ATRNL1: variants seen among roughly 807,000 people sequenced by gnomAD.
The protein encoded by ATRNL1 is attractin-like protein 1.
In ATRNL1, 95 loss-of-function variants were observed where a neutral mutation model predicts 182.7. The observed-to-expected ratio is 0.52, with a 90% CI of 0.44 to 0.62. The LOEUF is 0.62. Among genes scored for constraint, ATRNL1 ranks in the 20% least tolerant of loss-of-function variants. The pLI, the probability that ATRNL1 is intolerant of heterozygous loss-of-function variation, is 0.00. For synonymous variants in ATRNL1, 576 were observed against 568.3 expected (o/e 1.01, Z -0.19); for missense variants, 1,471 against 1,679.5 (o/e 0.88, Z 2.17).
intron 8 of ATRNL1, among the ~76,000 whole-genome samples, chr10:115,184,017 T>C (rs550462265): frequency 2.0e-5 from 3 of 151,656 alleles, no homozygotes; most frequent in Middle Eastern, 3.4e-3. Context: ...TGCCTGGGTA[T>C]ACATCCCATT....
chr10:115,135,557 C>G (rs1554876423), intron 5 of ATRNL1, among the ~76,000 whole-genome samples: 1 of 152,168 alleles, frequency 6.6e-6, no homozygotes, highest in African/African-American at 2.4e-5. Context: ...AATGGAAGAA[C>G]ATTCCATACT....
chr10:115,463,880 G>A (rs148242577), intron 22 of ATRNL1, among the ~76,000 whole-genome samples: 3 of 151,992 alleles, frequency 2.0e-5, no homozygotes, highest in East Asian at 1.9e-4. Context: ...AAACCTGTGG[G>A]GTTCTTTGAA....
At chr10:115,395,283 TTGCTATTCTGAATACTGC>T (rs1269705446) in intron 20 of ATRNL1, among the ~76,000 whole-genome samples, 4 of 152,006 alleles carry the variant, frequency 2.6e-5, no homozygotes, top group Non-Finnish European at 5.9e-5. Flanking sequence ...TTCCATGTCC[TTGCTATTCTGAATACTGC>T]TGCAGTGAAC....
At chr10:115,261,578 G>A (rs1228931059) in intron 10 of ATRNL1, among the ~76,000 whole-genome samples, 2 of 152,154 alleles carry the variant, frequency 1.3e-5, no homozygotes, top group Non-Finnish European at 2.9e-5. Context: ...ATCTGGCAAA[G>A]GGTTGGGGGA....
At chr10:115,441,713 G>A (rs574830986) in intron 21 of ATRNL1, among the ~76,000 whole-genome samples, 12 of 151,952 alleles carry the variant, frequency 7.9e-5, no homozygotes, top group Admixed American at 2.6e-4. Flanking sequence ...AGAACTCTAA[G>A]TTTTTCCTCA....
chr10:115,437,708 A>G (rs546824890), intron 21 of ATRNL1, among the ~76,000 whole-genome samples: 1 of 152,140 alleles, frequency 6.6e-6, no homozygotes, highest in East Asian at 1.9e-4. Context: ...TTATTAACAA[A>G]CATATGAATA....
At chr10:115,225,326 G>A (rs1027660933) in intron 9 of ATRNL1, among the ~76,000 whole-genome samples, 5 of 151,552 alleles carry the variant, frequency 3.3e-5, no homozygotes, top group Admixed American at 6.6e-5. Flanking sequence ...GTGGTAAAAT[G>A]TACAAGGACA....
intron 6 of ATRNL1, among the ~76,000 whole-genome samples, chr10:115,164,615 G>T (rs2144036572): frequency 6.6e-6 from 1 of 152,194 alleles, no homozygotes; most frequent in East Asian, 1.9e-4. Flanking sequence ...AGAAAATGTG[G>T]TATATATACA....
intron 19 of ATRNL1, among the ~76,000 whole-genome samples, chr10:115,366,900 A>C (rs1857075472): frequency 7.0e-6 from 1 of 143,118 alleles, no homozygotes; most frequent in Non-Finnish European, 1.5e-5. Context: ...TGTTAGTCTG[A>C]TGGGCTTCCC....
At chr10:115,254,156 T>C (rs1851010718) in intron 10 of ATRNL1, among the ~76,000 whole-genome samples, 1 of 152,222 alleles carries the variant, frequency 6.6e-6, no homozygotes, top group Admixed American at 6.5e-5. Context: ...TACCCAGTAA[T>C]GGGATTGCTG....
At position 115,523,140 on chromosome 10, in the gene ATRNL1, C is replaced by T. The variant is rs149165245; in HGVS notation, c.3716+3816C>T. Among the ~76,000 whole-genome samples the T allele has an allele frequency of 2.6e-3, 399 of 152,310 alleles. 1 individual carries two copies. Among genetic ancestry groups the T allele is most frequent in the African/African-American group, 9.0e-3 (373 of 41,560 alleles). On this transcript the variant is annotated intron_variant, in intron 25 of 28. Coordinates refer to ENST00000355044, the MANE Select transcript of ATRNL1 (RefSeq NM_207303.4). ...AGTGGAAGCCGACAAGCCTCTAGTACTCATACTTTCTAGCCTCCTTCAGTG... is the reference window on the plus strand; with the variant it reads ...AGTGGAAGCCGACAAGCCTCTAGTATTCATACTTTCTAGCCTCCTTCAGTG...
chr10:115,150,008 T>C (rs1846147443), intron 5 of ATRNL1, among the ~76,000 whole-genome samples: 1 of 152,008 alleles, frequency 6.6e-6, no homozygotes, highest in Admixed American at 6.6e-5. Flanking sequence ...ATTACTACTT[T>C]GATCTTTTCA....
chr10:115,102,844 A>G (rs781864688), intron 1 of ATRNL1, among the ~76,000 whole-genome samples: 1 of 152,168 alleles, frequency 6.6e-6, no homozygotes, highest in East Asian at 1.9e-4. Flanking sequence ...TTGTCAATTA[A>G]AAAAGTCTTG....
chr10:115,575,339 T>C (rs1555004811), intron 26 of ATRNL1, among the ~76,000 whole-genome samples: 1 of 152,190 alleles, frequency 6.6e-6, no homozygotes, highest in Non-Finnish European at 1.5e-5. Flanking sequence ...TAAAGAATGT[T>C]CATGTTCATT....
rs534419790 is a variant in ATRNL1 at position 115,418,477 on chromosome 10, C to T, written c.3270-7773C>T. Among the ~76,000 whole-genome samples the T allele has an allele frequency of 1.5e-4, 23 of 152,176 alleles. No homozygotes were observed. In the South Asian group the frequency reaches 4.4e-3, roughly 29 times the overall value. On this transcript the variant is annotated intron_variant, in intron 20 of 28. Transcript: ENST00000355044. ...TCTGTGGGACAACATCAAAATAACA[C>T]ATTTGTGTTATTAGAATTCAAGAAG...
At chr10:115,587,047 C>T (rs1183952600) in intron 26 of ATRNL1, among the ~76,000 whole-genome samples, 5 of 149,762 alleles carry the variant, frequency 3.3e-5, no homozygotes, top group African/African-American at 1.2e-4. Flanking sequence ...CTGGGGGGTG[C>T]CTCCCAGTTA....
intron 26 of ATRNL1, among the ~76,000 whole-genome samples, chr10:115,662,870 C>A (rs1354298498): frequency 6.6e-6 from 1 of 151,846 alleles, no homozygotes; most frequent in Non-Finnish European, 1.5e-5. Context: ...CTTTAAAATC[C>A]ATATGTTCAA....
At chr10:115,698,156 C>T (rs1438785249) in intron 26 of ATRNL1, among the ~76,000 whole-genome samples, 1 of 151,752 alleles carries the variant, frequency 6.6e-6, no homozygotes. Context: ...TTTAAATATA[C>T]TACCAGAATA....
At chr10:115,493,365 T>C (rs1281585835) in intron 24 of ATRNL1, among the ~76,000 whole-genome samples, 1 of 152,198 alleles carries the variant, frequency 6.6e-6, no homozygotes, top group Non-Finnish European at 1.5e-5. Flanking sequence ...GAACATGCAA[T>C]ATTTGGTTTT....
Sources: gnomAD v4.1 joint callset for allele counts (sites outside exome capture counted in the v4.1 genomes callset) on GRCh38, gnomAD v4.1.1 for gene constraint, MANE v1.5 for transcripts, NCBI Gene and HGNC (gene_info 2026-07-23, HGNC 2026-07-21) for gene names.